CDK18: variants seen among roughly 807,000 people sequenced by gnomAD.
CDK18 encodes cyclin dependent kinase 18, also known as cyclin-dependent kinase 18.
In CDK18, 52 loss-of-function variants were observed where a neutral mutation model predicts 62.0. The ratio of observed to expected loss-of-function variants is 0.84; its 90% CI spans 0.67 to 1.06. The LOEUF is 1.06. Ranked by LOEUF, CDK18 falls within the 50% of genes least tolerant of loss-of-function variation. The pLI, the probability that CDK18 is intolerant of heterozygous loss-of-function variation, is 0.00. For missense variants in CDK18, 604 were observed against 619.9 expected (o/e 0.97, Z 0.27); for synonymous variants, 237 against 247.0 (o/e 0.96, Z 0.38).
intron 1 of CDK18, among the ~76,000 whole-genome samples, chr1:205,507,744 T>C (rs1276453475): frequency 4.6e-5 from 7 of 151,696 alleles, no homozygotes; most frequent in African/African-American, 1.7e-4. Context: ...GGAAAGGGAA[T>C]TTCCTGGTGA....
chr1:205,529,756 C>T (rs1055582444), intron 13 of CDK18, 193 bp downstream of exon 13: 12 of 1,526,264 alleles, frequency 7.9e-6, no homozygotes, highest in Non-Finnish European at 9.7e-6. Context: ...GCACTGCGAG[C>T]CCAAACCCGT....
At chr1:205,521,461 G>A (rs1363081755) in intron 1 of CDK18, among the ~76,000 whole-genome samples, 1 of 152,318 alleles carries the variant, frequency 6.6e-6, no homozygotes, top group African/African-American at 2.4e-5. Context: ...TAATGCACCT[G>A]CCTCAGCCTC....
At chr1:205,508,242 CAGG>C (rs1667404983) in intron 1 of CDK18, among the ~76,000 whole-genome samples, 2 of 152,250 alleles carry the variant, frequency 1.3e-5, no homozygotes, top group African/African-American at 4.8e-5. Context: ...CTTTGCCCTC[CAGG>C]CATTCCCTGC....
Position 205,517,671 on chromosome 1 carries a change from CA to C in CDK18, c.-21-5475del, listed in dbSNP as rs1667889413. 6.6e-6 allele frequency among the ~76,000 whole-genome samples: 1 copy of C among 152,026 alleles called. No homozygotes were observed. The highest frequency in any genetic ancestry group is 6.6e-5 in the Admixed American group (1 of 15,258). On this transcript the variant is annotated intron_variant, in intron 1 of 15. Coordinates refer to ENST00000429964, the MANE Select transcript of CDK18 (RefSeq NM_212502.3). The surrounding 1 kb of genome is among the most constrained non-coding windows in gnomAD (Gnocchi z 4.1). ...AGTCATGCTTGACTCTTTTCTCACC[CA>C]CAACATACAATCCATCTGCAGAGCT...
intron 13 of CDK18, 189 bp downstream of exon 13, chr1:205,529,752 C>T (rs755442000): frequency 3.3e-6 from 5 of 1,528,554 alleles, no homozygotes; most frequent in Non-Finnish European, 2.6e-6. Context: ...CTGTGCACTG[C>T]GAGCCCAAAC....
rs1330758422 is a variant in CDK18 at position 205,531,977 on chromosome 1, T to A, written c.*599T>A. ...GGAATAGTAGTCCCCACTCTTTCCA[T>A]CAGCCCTACCCTACCCTCATTCCCC... On this transcript the variant is annotated 3_prime_UTR_variant, in exon 16 of 16. Coordinates refer to ENST00000429964, the MANE Select transcript of CDK18 (RefSeq NM_212502.3). 3.8e-5 allele frequency: 6 copies of A among 158,350 alleles called. No individual in the cohort carries two copies. Among genetic ancestry groups the A allele is most frequent in the African/African-American group, 1.2e-4 (5 of 41,544 alleles). 9.8% of individuals were successfully genotyped at this position (158,350 alleles called of 1,614,324 possible).
chr1:205,509,811 G>A (rs1397493648), intron 1 of CDK18, among the ~76,000 whole-genome samples: 1 of 152,146 alleles, frequency 6.6e-6, no homozygotes, highest in Non-Finnish European at 1.5e-5. Context: ...CAGGCACAGA[G>A]GCTCACACCT....
Position 205,527,691 on chromosome 1 carries a change from G to A in CDK18, c.730-103G>A. 2 of 1,110,972 alleles carry A rather than the reference G, an allele frequency of 1.8e-6. No homozygotes were observed. Among genetic ancestry groups the A allele is most frequent in the South Asian group, 1.4e-5 (1 of 71,612 alleles). The allele number at this position is 1,110,972 out of a possible 1,614,324, so 68.8% of individuals were successfully genotyped here. A position where few individuals can be genotyped will look rare whatever the true frequency, so the allele number is the denominator to read the frequency against. On this transcript the variant is annotated intron_variant, in intron 8 of 15. Coordinates refer to ENST00000429964, the MANE Select transcript of CDK18 (RefSeq NM_212502.3). The surrounding 1 kb of genome is among the most constrained non-coding windows in gnomAD (Gnocchi z 4.1). ...GGGTGTGCAGGAGAATGAGGGGCTT[G>A]TGCTGACCTCACTGCCAAGCCCCTG...
At position 205,528,636 on chromosome 1, in the gene CDK18, G is replaced by C. The variant is rs2275348; in HGVS notation, c.975-363G>C. ...GACTCCGCCCCAAGGTTCCCCAGGAGAATGGATTTATGTACTTCTCTTCCA... is the reference window on the plus strand; with the variant it reads ...GACTCCGCCCCAAGGTTCCCCAGGACAATGGATTTATGTACTTCTCTTCCA... On this transcript the variant is annotated intron_variant, in intron 10 of 15. Transcript: ENST00000429964. The surrounding 1 kb of genome is among the most constrained non-coding windows in gnomAD (Gnocchi z 4.2). 72,397 of 248,292 alleles carry C rather than the reference G, an allele frequency of 0.29. 10,297 individuals carry two copies. The highest frequency in any genetic ancestry group is 0.41 in the African/African-American group (17,746 of 43,378). The allele number at this position is 248,292 out of a possible 1,614,324, so 15.4% of individuals were successfully genotyped here.
rs1667879506 is a variant in CDK18, at chr1:205,517,457, G to C, written c.-21-5690G>C. Among the ~76,000 whole-genome samples, 2 of 152,156 alleles carry C rather than the reference G, an allele frequency of 1.3e-5. No individual in the cohort carries two copies. The highest frequency in any genetic ancestry group is 2.9e-5 in the Non-Finnish European group (2 of 68,026). On this transcript the variant is annotated intron_variant, in intron 1 of 15. Transcript: ENST00000429964. This position sits in a 1 kb window ranked among gnomAD's most constrained non-coding sequence, Gnocchi z 4.1. ...CCAAGCTTTGCTGGACATCTTCCCT[G>C]TGCCAGTGGTGTGTTGTGTTGGCTC...
At chr1:205,524,991 C>T in intron 4 of CDK18, 148 bp from the exon 5 acceptor site, 1 of 528,384 alleles carries the variant, frequency 1.9e-6, no homozygotes, top group Non-Finnish European at 3.5e-6. Flanking sequence ...GAGCTCTGTC[C>T]TTTATCACAG....
At chr1:205,525,019 G>GC (rs1668350096) in intron 4 of CDK18, 120 bp from the exon 5 acceptor site, 1 of 580,924 alleles carries the variant, frequency 1.7e-6, no homozygotes, top group Admixed American at 2.8e-5. Flanking sequence ...GGGAAAAGGA[G>GC]CCCCTTCCAC....
At position 205,532,720 on chromosome 1, in the gene CDK18, TC is replaced by T; in HGVS notation, c.*1346del. ...ACCTCAGGCCCCCACCCTCCACTCC[TC>T]CCCACGGTACTGTGAACGTCGTGTG... On this transcript the variant is annotated 3_prime_UTR_variant, in exon 16 of 16. Coordinates refer to ENST00000429964, the MANE Select transcript of CDK18 (RefSeq NM_212502.3). The T allele has an allele frequency of 6.7e-6, 1 of 149,114 alleles. No individual in the cohort carries two copies. The highest frequency in any genetic ancestry group is 2.5e-5 in the African/African-American group (1 of 40,656). The allele number at this position is 149,114 out of a possible 1,614,324, so 9.2% of individuals were successfully genotyped here.
chr1:205,517,659 T>G lies in CDK18; in HGVS notation c.-21-5488T>G, dbSNP rs1654422459. On this transcript the variant is annotated intron_variant, in intron 1 of 15. Transcript: ENST00000429964. The surrounding 1 kb of genome is among the most constrained non-coding windows in gnomAD (Gnocchi z 4.1). ...ACCCTGCTGCAGAGTCATGCTTGAC[T>G]CTTTTCTCACCCACAACATACAATC... Among the ~76,000 whole-genome samples, 1 of 152,028 alleles carries G rather than the reference T, an allele frequency of 6.6e-6. No homozygotes were observed. Among genetic ancestry groups the G allele is most frequent in the African/African-American group, 2.4e-5 (1 of 41,382 alleles).
chr1:205,505,016 TG>T (rs1667236956), intron 1 of CDK18: 2 of 150,676 alleles, frequency 1.3e-5, no homozygotes, highest in Non-Finnish European at 1.5e-5. Flanking sequence ...TGTTGAGGGG[TG>T]GGGGGTGCCC....
At chr1:205,526,313 G>T (rs934094142) in intron 6 of CDK18, 54 bp from the exon 7 acceptor site, 1 of 1,502,558 alleles carries the variant, frequency 6.7e-7, no homozygotes, top group Non-Finnish European at 9.3e-7. Flanking sequence ...CAAGAAAAGA[G>T]GGTATGGGGA....
At chr1:205,530,067 G>A (rs991675459) in intron 13 of CDK18, 192 bp from the exon 14 acceptor site, 9 of 1,427,852 alleles carry the variant, frequency 6.3e-6, no homozygotes, top group East Asian at 2.5e-5. Context: ...GCTGGAGACC[G>A]AGGAGCCTTC....
intron 7 of CDK18, 25 bp from the exon 8 acceptor site, chr1:205,526,750 G>A (rs1377523490): frequency 1.9e-6 from 3 of 1,605,170 alleles, no homozygotes; most frequent in Non-Finnish European, 2.6e-6. Context: ...CGTGGGGCAG[G>A]ACTGAGCCAC....
intron 4 of CDK18, among the ~76,000 whole-genome samples, chr1:205,524,779 C>T (rs749957745): frequency 1.1e-4 from 16 of 152,274 alleles, no homozygotes; most frequent in African/African-American, 2.2e-4. Flanking sequence ...GCTAGAAGTG[C>T]GCTGATGAGA....
Sources: allele counts gnomAD v4.1 joint callset (sites outside exome capture counted in the v4.1 genomes callset), GRCh38; gene constraint gnomAD v4.1.1; non-coding constraint Gnocchi (gnomAD v3.1); transcripts MANE v1.5; gene names NCBI Gene and HGNC (gene_info 2026-07-23, HGNC 2026-07-21).